Variants in TBL1XR1 observed in about 807,000 individuals in gnomAD.
The protein encoded by TBL1XR1 is F-box-like/WD repeat-containing protein TBL1XR1.
TBL1XR1 carries 5 observed loss-of-function variants against 66.9 expected under a neutral mutation model. The observed-to-expected ratio is 0.07, with a 90% CI of 0.04 to 0.16. The LOEUF is 0.16. TBL1XR1 is among the 10% of genes least tolerant of loss of function. The pLI, the probability that TBL1XR1 is intolerant of heterozygous loss-of-function variation, is 1.00. For synonymous variants in TBL1XR1, 210 were observed against 206.0 expected, an observed-to-expected ratio of 1.02 and a Z score of -0.17; for missense variants, 238 against 623.2, an observed-to-expected ratio of 0.38 and a Z score of 6.58.
At chr3:177,118,163 T>G (rs567709508) in intron 1 of TBL1XR1, among the ~76,000 whole-genome samples, 1 of 152,202 alleles carries the variant, frequency 6.6e-6, no homozygotes, top group Non-Finnish European at 1.5e-5. Flanking sequence ...AAGAAACTAG[T>G]TCTATTCCAT....
chr3:177,038,011 G>T, intron 12 of TBL1XR1, 87 bp downstream of exon 12: 3 of 1,163,508 alleles, frequency 2.6e-6, no homozygotes, highest in African/African-American at 1.5e-5. Context: ...CTCCATGTAA[G>T]ACAGACATTC....
chr3:177,032,945 T>C (rs769760072), intron 14 of TBL1XR1, 26 bp downstream of exon 14: 21 of 1,504,222 alleles, frequency 1.4e-5, no homozygotes, highest in Non-Finnish European at 1.8e-5. Context: ...TAAGAGCACT[T>C]GACCATTTAA....
At chr3:177,199,526 C>T (rs866376370), upstream of TBL1XR1, among the ~76,000 whole-genome samples, 4 of 151,918 alleles carry the variant, frequency 2.6e-5, no homozygotes, top group African/African-American at 4.8e-5. Flanking sequence ...CCACCACGGG[C>T]GGGTCCTCTC....
At chr3:177,111,805 A>G (rs1016325047) in intron 1 of TBL1XR1, among the ~76,000 whole-genome samples, 3 of 151,858 alleles carry the variant, frequency 2.0e-5, no homozygotes, top group Non-Finnish European at 4.4e-5. Context: ...CATTAAACCA[A>G]GGTCATTTAT....
intron 14 of TBL1XR1, chr3:177,032,203 G>T (rs572007834): frequency 2.6e-5 from 4 of 152,162 alleles, no homozygotes; most frequent in Non-Finnish European, 5.9e-5. Context: ...CAGCAGGAGA[G>T]GAACAAAGTT....
intron 10 of TBL1XR1, among the ~76,000 whole-genome samples, chr3:177,042,781 A>G (rs1464588687): frequency 3.3e-5 from 5 of 152,136 alleles, no homozygotes; most frequent in African/African-American, 1.2e-4. Flanking sequence ...TCTTGGAGCT[A>G]AAGTTAACAT....
intron 1 of TBL1XR1, among the ~76,000 whole-genome samples, chr3:177,138,614 G>A (rs1335136540): frequency 5.9e-5 from 9 of 151,994 alleles, no homozygotes; most frequent in African/African-American, 2.2e-4. Flanking sequence ...AGGGAGAGGG[G>A]GAAAGTGGGC....
chr3:177,096,187 A>G (rs143840276), intron 2 of TBL1XR1, among the ~76,000 whole-genome samples: 54 of 152,252 alleles, frequency 3.5e-4, no homozygotes, highest in Admixed American at 7.8e-4. Flanking sequence ...TCATGGGAAA[A>G]CCATACCATT....
chr3:177,039,329 G>T (rs1180320657), intron 10 of TBL1XR1, among the ~76,000 whole-genome samples: 1 of 152,118 alleles, frequency 6.6e-6, no homozygotes, highest in African/African-American at 2.4e-5. Context: ...CATGTGTGTG[G>T]AAGTACTCTG....
intron 1 of TBL1XR1, among the ~76,000 whole-genome samples, chr3:177,118,270 T>TC (rs1389514788): frequency 1.5e-4 from 23 of 152,194 alleles, no homozygotes; most frequent in African/African-American, 3.9e-4. Flanking sequence ...ATTCATTCAT[T>TC]AACTCATTTA....
At chr3:177,156,113 C>T (rs1731459388) in intron 1 of TBL1XR1, among the ~76,000 whole-genome samples, 1 of 113,204 alleles carries the variant, frequency 8.8e-6, no homozygotes, top group Admixed American at 9.3e-5. Flanking sequence ...AAACAGAAAC[C>T]ATTAAAAAAA....
upstream of TBL1XR1, among the ~76,000 whole-genome samples, chr3:177,201,432 A>C (rs1034518201): frequency 6.6e-6 from 1 of 151,524 alleles, no homozygotes; most frequent in Non-Finnish European, 1.5e-5. Context: ...AAAAAAAAAA[A>C]AAAACAAATC....
intron 1 of TBL1XR1, among the ~76,000 whole-genome samples, chr3:177,190,133 C>CAAAAAAAAAAAAAA (rs548783302): frequency 5.8e-5 from 4 of 69,408 alleles, no homozygotes; most frequent in African/African-American, 2.5e-4. Flanking sequence ...AACTCCATCT[C>CAAAAAAAAAAAAAA]AAAAAAAAAA....
intron 1 of TBL1XR1, among the ~76,000 whole-genome samples, chr3:177,176,129 T>C (rs942924527): frequency 6.6e-6 from 1 of 151,962 alleles, no homozygotes; most frequent in Admixed American, 6.6e-5. Context: ...GGGGGAAAAT[T>C]TAAAAAGTAA....
intron 2 of TBL1XR1, among the ~76,000 whole-genome samples, chr3:177,069,280 G>A (rs185825792): frequency 2.9e-4 from 44 of 152,174 alleles, no homozygotes; most frequent in African/African-American, 1.0e-3. Flanking sequence ...TGTATTAGAA[G>A]ACCAAAATCA....
At chr3:177,114,324 G>C (rs994622531) in intron 1 of TBL1XR1, among the ~76,000 whole-genome samples, 11 of 151,154 alleles carry the variant, frequency 7.3e-5, no homozygotes, top group Non-Finnish European at 1.0e-4. Context: ...ATATATATAT[G>C]ATAGGGTCTT....
chr3:177,155,277 T>G (rs1166488568), intron 1 of TBL1XR1, among the ~76,000 whole-genome samples: 1 of 152,210 alleles, frequency 6.6e-6, no homozygotes, highest in African/African-American at 2.4e-5. Context: ...AACTGTCTTT[T>G]GAACAAATCA....
intron 1 of TBL1XR1, among the ~76,000 whole-genome samples, chr3:177,114,263 T>C (rs747322561): frequency 1.3e-5 from 2 of 151,128 alleles, no homozygotes; most frequent in Non-Finnish European, 2.9e-5. Context: ...ATATATATAA[T>C]CATATATATA....
intron 2 of TBL1XR1, among the ~76,000 whole-genome samples, chr3:177,092,107 G>A (rs186526800): frequency 1.4e-4 from 21 of 152,238 alleles, no homozygotes; most frequent in Middle Eastern, 3.4e-3. Flanking sequence ...ACGGTTTAGC[G>A]CTCCCATTGT....
Sources: allele counts gnomAD v4.1 joint callset (sites outside exome capture counted in the v4.1 genomes callset), GRCh38; gene constraint gnomAD v4.1.1; transcripts MANE v1.5; gene names NCBI Gene and HGNC (gene_info 2026-07-23, HGNC 2026-07-21).